The following XPNPEP3 variants were observed in gnomAD, a reference collection of about 807,000 sequenced individuals.
XPNPEP3 encodes xaa-Pro aminopeptidase 3.
Under a neutral mutation model 60.0 loss-of-function variants are expected in XPNPEP3, and 41 were observed. The observed-to-expected ratio is 0.68, with a 90% CI of 0.53 to 0.89. The LOEUF is 0.89. Among genes scored for constraint, XPNPEP3 ranks in the 40% least tolerant of loss-of-function variants. XPNPEP3 has a pLI of 0.00. For missense variants in XPNPEP3, 598 were observed against 638.9 expected, an observed-to-expected ratio of 0.94 and a Z score of 0.69; for synonymous variants, 212 against 223.2, an observed-to-expected ratio of 0.95 and a Z score of 0.45.
chr22:40,890,136 T>C (rs1429157753), intron 4 of XPNPEP3, among the ~76,000 whole-genome samples: 1 of 152,224 alleles, frequency 6.6e-6, no homozygotes, highest in Non-Finnish European at 1.5e-5. Context: ...ATCAGTATTA[T>C]ACTAAATTTT....
intron 1 of XPNPEP3, chr22:40,861,471 G>A (rs1471638823): frequency 1.2e-6 from 2 of 1,614,020 alleles, no homozygotes; most frequent in Non-Finnish European, 1.7e-6. Flanking sequence ...ATTATCAAAA[G>A]CCAGGGAAGA....
intron 1 of XPNPEP3, chr22:40,862,553 A>G (rs2057956603): frequency 4.1e-6 from 4 of 985,404 alleles, no homozygotes; most frequent in South Asian, 4.7e-5. Flanking sequence ...TAGTTACAAT[A>G]TAATAGTTAT....
At chr22:40,905,551 A>G (rs933019083) in intron 4 of XPNPEP3, among the ~76,000 whole-genome samples, 2 of 152,130 alleles carry the variant, frequency 1.3e-5, no homozygotes, top group Admixed American at 6.6e-5. Context: ...ACAAGACATG[A>G]AGTCATCTGG....
At chr22:40,905,930 T>C (rs1601513761) in intron 4 of XPNPEP3, among the ~76,000 whole-genome samples, 1 of 152,108 alleles carries the variant, frequency 6.6e-6, no homozygotes, top group South Asian at 2.1e-4. Flanking sequence ...TAGCTGGGAT[T>C]ACAGGTGCAC....
chr22:40,880,028 CAAAAAAA>C (rs963115248), intron 2 of XPNPEP3, among the ~76,000 whole-genome samples: 13 of 52,866 alleles, frequency 2.5e-4, no homozygotes, highest in African/African-American at 7.3e-4. Context: ...CTCTGTCTCC[CAAAAAAA>C]AAAAAAAAAA....
intron 7 of XPNPEP3, 97 bp from the exon 8 acceptor site, chr22:40,922,236 C>T: frequency 1.4e-6 from 2 of 1,435,236 alleles, no homozygotes; most frequent in Non-Finnish European, 1.9e-6. Context: ...GCCCCAGCAA[C>T]AGCAGCATCT....
intron 1 of XPNPEP3, among the ~76,000 whole-genome samples, chr22:40,868,077 T>G (rs184673776): frequency 1.1e-4 from 17 of 152,292 alleles, no homozygotes; most frequent in African/African-American, 4.1e-4. Context: ...GCATATAGCC[T>G]TGTCATTCAT....
chr22:40,858,990 A>C (rs2057924481), intron 1 of XPNPEP3, among the ~76,000 whole-genome samples: 1 of 152,244 alleles, frequency 6.6e-6, no homozygotes, highest in South Asian at 2.1e-4. Flanking sequence ...GCCCAAAGTA[A>C]ACTTGAACTC....
At chr22:40,862,103 A>C in intron 1 of XPNPEP3, 1 of 1,503,532 alleles carries the variant, frequency 6.7e-7, no homozygotes, top group Non-Finnish European at 8.8e-7. Flanking sequence ...AAATAGGTAC[A>C]CTTTTATGTT....
rs527651752 is a variant in XPNPEP3 at position 40,903,042 on chromosome 22, C to T, written c.793-4545C>T. 7.7e-4 allele frequency among the ~76,000 whole-genome samples: 118 copies of T among 152,294 alleles called. 4 individuals carry two copies. The South Asian group carries it at 0.023, about 29-fold the overall frequency. On this transcript the variant is annotated intron_variant, in intron 4 of 9. Transcript: ENST00000357137. ...GCTACATAATGGTAAAGCCCTCTGA[C>T]GAGCTCATGGAGACCCAGTACAAAG...
Position 40,926,557 on chromosome 22 carries a change from C to A in XPNPEP3, c.*122C>A. The A allele has an allele frequency of 8.0e-7, 1 of 1,243,514 alleles. No individual in the cohort carries two copies. The highest frequency in any genetic ancestry group is 1.2e-6 in the Non-Finnish European group (1 of 851,526). 77.0% of individuals were successfully genotyped at this position (1,243,514 alleles called of 1,614,324 possible). A position where few individuals can be genotyped will look rare whatever the true frequency, so the allele number is the denominator to read the frequency against. ...ATATGCATTCCATTTGGGAGCATAG[C>A]AGCTGTGTGAATGTATGTAATTGTG... On this transcript the variant is annotated 3_prime_UTR_variant, in exon 10 of 10. Coordinates refer to ENST00000357137, the MANE Select transcript of XPNPEP3 (RefSeq NM_022098.4).
chr22:40,930,165 T>A lies in XPNPEP3; in HGVS notation c.*3730T>A, dbSNP rs1393881505. On this transcript the variant is annotated 3_prime_UTR_variant, in exon 10 of 10. Transcript: ENST00000357137. ...TTTTTTTTGAGATGGAGTCTCGCTC[T>A]GTCACCCAGGCTGGAGTGCAGTGGC... 6.6e-6 allele frequency: 1 copy of A among 150,600 alleles called. No homozygotes were observed. The highest frequency in any genetic ancestry group is 1.5e-5 in the Non-Finnish European group (1 of 67,706). The allele number at this position is 150,600 out of a possible 1,614,324, so 9.3% of individuals were successfully genotyped here.
intron 4 of XPNPEP3, among the ~76,000 whole-genome samples, chr22:40,895,214 A>C (rs2058103053): frequency 6.6e-6 from 1 of 152,162 alleles, no homozygotes; most frequent in Non-Finnish European, 1.5e-5. Context: ...ATTCTTTCAC[A>C]TAGATCCCCT....
At chr22:40,870,373 A>G in intron 2 of XPNPEP3, 1 of 222,278 alleles carries the variant, frequency 4.5e-6, no homozygotes. Context: ...TTTGCTCTAT[A>G]CCTTAAGTGC....
rs1250625525 is a variant in XPNPEP3, at chr22:40,862,491, CAT to C, written c.64+5249_64+5250del. On this transcript the variant is annotated intron_variant, in intron 1 of 9. Transcript: ENST00000357137. ...GTGAAGAAAGTATTCAAACAGTTGACATATTTATTTCAGTCAAGAAACAGTTC... is the reference window on the plus strand; with the variant it reads ...GTGAAGAAAGTATTCAAACAGTTGACATTTATTTCAGTCAAGAAACAGTTC... The C allele has an allele frequency of 2.0e-5, 20 of 985,772 alleles. No individual in the cohort carries two copies. The South Asian group carries it at 7.0e-4, about 35-fold the overall frequency. 61.1% of individuals were successfully genotyped at this position (985,772 alleles called of 1,614,324 possible).
At chr22:40,862,184 G>T in intron 1 of XPNPEP3, 9 of 1,394,590 alleles carry the variant, frequency 6.5e-6, no homozygotes, top group Non-Finnish European at 8.4e-6. Flanking sequence ...TTACAAATAT[G>T]TCAGAGAGGG....
chr22:40,882,219 G>A (rs766777280), intron 3 of XPNPEP3, 42 bp downstream of exon 3: 3 of 1,610,148 alleles, frequency 1.9e-6, no homozygotes, highest in East Asian at 4.5e-5. Flanking sequence ...ACCAGATTGG[G>A]ATTAAAACCT....
rs1270872627 is a variant in XPNPEP3, at chr22:40,927,940, T to A, written c.*1505T>A. 6.7e-6 allele frequency: 1 copy of A among 149,896 alleles called. No individual in the cohort carries two copies. Among genetic ancestry groups the A allele is most frequent in the Non-Finnish European group, 1.5e-5 (1 of 67,454 alleles). 9.3% of individuals were successfully genotyped at this position (149,896 alleles called of 1,614,324 possible). ...TTCGCAGATATCCCTGCTCCCTCTATAGATTCTTAATGCACTGACCCTCAC... is the reference window on the plus strand; with the variant it reads ...TTCGCAGATATCCCTGCTCCCTCTAAAGATTCTTAATGCACTGACCCTCAC... On this transcript the variant is annotated 3_prime_UTR_variant, in exon 10 of 10. Transcript: ENST00000357137.
chr22:40,931,625 G>A lies in XPNPEP3; in HGVS notation c.*5190G>A, dbSNP rs780300489. ...GCTACTCAGGAGGCTGAGGTGGGAG[G>A]ATCGCTTGAGCTTAGGAGGTCAAGG... On this transcript the variant is annotated 3_prime_UTR_variant, in exon 10 of 10. Coordinates refer to ENST00000357137, the MANE Select transcript of XPNPEP3 (RefSeq NM_022098.4). 14 of 152,142 alleles carry A rather than the reference G, an allele frequency of 9.2e-5. No homozygotes were observed. Among genetic ancestry groups the A allele is most frequent in the Non-Finnish European group, 1.9e-4 (13 of 68,082 alleles). 9.4% of individuals were successfully genotyped at this position (152,142 alleles called of 1,614,324 possible). A position where few individuals can be genotyped will look rare whatever the true frequency, so the allele number is the denominator to read the frequency against.
Sources: gnomAD v4.1 joint callset for allele counts (sites outside exome capture counted in the v4.1 genomes callset) on GRCh38, gnomAD v4.1.1 for gene constraint, MANE v1.5 for transcripts, NCBI Gene and HGNC (gene_info 2026-07-23, HGNC 2026-07-21) for gene names.